The following NFXL1 variants were observed in gnomAD, a reference collection of about 807,000 sequenced individuals.
NFXL1 encodes the protein nuclear transcription factor, X-box binding like 1, also known as NF-X1-type zinc finger protein NFXL1.
NFXL1 carries 66 observed loss-of-function variants against 123.3 expected under a neutral mutation model. That is an observed-to-expected ratio of 0.54 (90% confidence interval 0.44 to 0.66). The LOEUF (loss-of-function observed/expected upper bound fraction) is 0.66. NFXL1 is among the 30% of genes least tolerant of loss of function. NFXL1 has a pLI of 0.00. For missense variants in NFXL1, 944 were observed against 1,125.6 expected, an observed-to-expected ratio of 0.84 and a Z score of 2.31; for synonymous variants, 346 against 360.8, an observed-to-expected ratio of 0.96 and a Z score of 0.46.
chr4:47,913,118 C>A (rs921250597), intron 2 of NFXL1, among the ~76,000 whole-genome samples: 1 of 151,768 alleles, frequency 6.6e-6, no homozygotes, highest in East Asian at 1.9e-4. Context: ...ATACCACCTA[C>A]CTTTCAAATT....
intron 20 of NFXL1, 34 bp downstream of exon 20, chr4:47,855,025 T>C (rs747755079): frequency 3.1e-6 from 3 of 956,958 alleles, no homozygotes; most frequent in Non-Finnish European, 4.7e-6. Flanking sequence ...ACAACTTATA[T>C]AGAAAAGTAT....
At chr4:47,878,289 T>C (rs905606539) in intron 17 of NFXL1, among the ~76,000 whole-genome samples, 7 of 151,934 alleles carry the variant, frequency 4.6e-5, no homozygotes, top group African/African-American at 1.7e-4. Context: ...AGGTACAGTA[T>C]GTAAAGGGTT....
At chr4:47,887,805 TCCCTACTGA>T (rs1405038043) in intron 12 of NFXL1, among the ~76,000 whole-genome samples, 3 of 152,214 alleles carry the variant, frequency 2.0e-5, no homozygotes, top group South Asian at 4.2e-4. Context: ...CTAAACAGTC[TCCCTACTGA>T]CCAACAGAAT....
chr4:47,897,969 G>C lies in NFXL1; in HGVS notation c.1202C>G (p.Ser401Ter). ...SGKRFCPCQK[S>*]KFSLPCTEDV... Reference sequence around the variant, plus strand: ...ATATAAAAAAAAACAAGTCTTACTTGATTTCTGACATGGACAGAACCTTTT... The same window carrying C: ...ATATAAAAAAAAACAAGTCTTACTTCATTTCTGACATGGACAGAACCTTTT... Residue 401 changes from serine (S) to a stop codon, truncating the protein, a stop_gained and splice_region_variant, in exon 9 of 23, where the codon TCA becomes TGA. Transcript: ENST00000507489. LOFTEE classifies it high-confidence loss of function. 6.4e-7 allele frequency: 1 copy of C among 1,568,932 alleles called. No individual in the cohort carries two copies.
intron 19 of NFXL1, among the ~76,000 whole-genome samples, chr4:47,856,054 A>AT (rs552378858): frequency 6.6e-5 from 10 of 151,928 alleles, no homozygotes; most frequent in African/African-American, 1.7e-4. Context: ...CAAAAAAACA[A>AT]TTTTTTTTAG....
At chr4:47,903,679 A>G (rs980037846) in intron 4 of NFXL1, among the ~76,000 whole-genome samples, 7 of 152,260 alleles carry the variant, frequency 4.6e-5, no homozygotes, top group African/African-American at 1.7e-4. Context: ...AAGCATATTT[A>G]TAGCTATACA....
intron 15 of NFXL1, 126 bp downstream of exon 15, chr4:47,884,220 T>A: frequency 1.8e-6 from 1 of 556,556 alleles, no homozygotes; most frequent in South Asian, 2.7e-5. Flanking sequence ...GACACACTAG[T>A]TGATAGGCTA....
At chr4:47,879,073 T>C (rs773125668) in intron 16 of NFXL1, 23 bp downstream of exon 16, 1 of 1,363,494 alleles carries the variant, frequency 7.3e-7, no homozygotes, top group Admixed American at 2.5e-5. Flanking sequence ...AAGCTTTACT[T>C]AAAAATTGTG....
chr4:47,855,794 A>C (rs2110032088), intron 19 of NFXL1, among the ~76,000 whole-genome samples: 2 of 152,262 alleles, frequency 1.3e-5, no homozygotes, highest in Middle Eastern at 3.4e-3. Context: ...GGTAGCCAAA[A>C]CAACTCAGTA....
chr4:47,895,332 C>CT (rs1257666541), intron 10 of NFXL1, among the ~76,000 whole-genome samples: 1 of 152,194 alleles, frequency 6.6e-6, no homozygotes, highest in Non-Finnish European at 1.5e-5. Context: ...TCAGCCTATT[C>CT]TTTGACGGTT....
Position 47,898,838 on chromosome 4 carries a change from T to C in NFXL1, c.1008A>G (p.Pro336=), listed in dbSNP as rs1290928232. Residue 336 remains proline, a synonymous_variant, in exon 8 of 23, where the codon CCA becomes CCG. Transcript: ENST00000507489. ...AGACACACTTTTGTCTACTAACTCT[T>C]GGACAAGGCTGACAGCTTCCTAAAA... ...PCHAGSCQPC[P]RVSRQKCVCG... 2 of 1,613,958 alleles carry C rather than the reference T, an allele frequency of 1.2e-6. No individual in the cohort carries two copies. Among genetic ancestry groups the C allele is most frequent in the South Asian group, 2.2e-5 (2 of 91,068 alleles).
At chr4:47,853,706 A>C (rs1388794454) in intron 20 of NFXL1, among the ~76,000 whole-genome samples, 1 of 152,158 alleles carries the variant, frequency 6.6e-6, no homozygotes, top group Non-Finnish European at 1.5e-5. Flanking sequence ...TATATGTATT[A>C]GGGCACTTAA....
rs112599536 is a variant in NFXL1 at position 47,847,846 on chromosome 4, T to C, written c.*317A>G. On this transcript the variant is annotated 3_prime_UTR_variant, in exon 23 of 23. Transcript: ENST00000507489. ...CTCATCTGAATTATTTTTTTAAAAGTGTTGGTTTGAATTATTAAATGAAAA... is the reference window on the plus strand; with the variant it reads ...CTCATCTGAATTATTTTTTTAAAAGCGTTGGTTTGAATTATTAAATGAAAA... 1.0e-4 allele frequency: 19 copies of C among 182,794 alleles called. No individual in the cohort carries two copies. The highest frequency in any genetic ancestry group is 3.7e-4 in the African/African-American group (16 of 42,884). The allele number at this position is 182,794 out of a possible 1,614,324, so 11.3% of individuals were successfully genotyped here.
At chr4:47,867,258 T>A (rs1318963033) in intron 18 of NFXL1, among the ~76,000 whole-genome samples, 1 of 150,550 alleles carries the variant, frequency 6.6e-6, no homozygotes, top group Admixed American at 6.6e-5. Flanking sequence ...AAAATTAAGA[T>A]AAAATTACAT....
intron 22 of NFXL1, among the ~76,000 whole-genome samples, chr4:47,849,791 G>A (rs368819769): frequency 6.6e-6 from 1 of 152,054 alleles, no homozygotes; most frequent in South Asian, 2.1e-4. Context: ...ATAAAAACCT[G>A]AGGATGATCA....
chr4:47,892,667 C>T (rs4695302), intron 11 of NFXL1, among the ~76,000 whole-genome samples: 125,734 of 152,148 alleles, frequency 0.83, 52,167 homozygotes, highest in East Asian at 0.98. Context: ...AAGAGTGTTC[C>T]GGTCACACTT....
At chr4:47,867,319 A>G (rs1735161529) in intron 18 of NFXL1, among the ~76,000 whole-genome samples, 2 of 152,104 alleles carry the variant, frequency 1.3e-5, no homozygotes, top group African/African-American at 2.4e-5. Context: ...ATATTTACAG[A>G]AGAACATACT....
chr4:47,880,807 T>TAAAA (rs57880960), intron 15 of NFXL1, among the ~76,000 whole-genome samples: 14 of 78,790 alleles, frequency 1.8e-4, no homozygotes, highest in African/African-American at 3.3e-4. Context: ...AATTAATGAG[T>TAAAA]AAAAAAAAAA....
chr4:47,887,870 A>C (rs1736533558), intron 12 of NFXL1, among the ~76,000 whole-genome samples: 1 of 152,210 alleles, frequency 6.6e-6, no homozygotes, highest in Admixed American at 6.5e-5. Flanking sequence ...AAATGAAGAA[A>C]TAGCATAGGG....
Sources: gnomAD v4.1 joint callset for allele counts (sites outside exome capture counted in the v4.1 genomes callset) on GRCh38, gnomAD v4.1.1 for gene constraint, MANE v1.5 for transcripts, NCBI Gene and HGNC (gene_info 2026-07-23, HGNC 2026-07-21) for gene names.